Variants in SPATA16 observed in about 807,000 individuals in gnomAD.
SPATA16 encodes the protein spermatogenesis associated 16, also known as spermatogenesis-associated protein 16.
SPATA16 carries 36 observed loss-of-function variants against 63.3 expected under a neutral mutation model. The ratio of observed to expected loss-of-function variants is 0.57; its 90% CI spans 0.44 to 0.75. SPATA16 has a LOEUF of 0.75. Ranked by LOEUF, SPATA16 falls within the 30% of genes least tolerant of loss-of-function variation. The pLI is 0.00. For synonymous variants in SPATA16, 203 were observed against 216.7 expected, an observed-to-expected ratio of 0.94 and a Z score of 0.56; for missense variants, 646 against 679.3, an observed-to-expected ratio of 0.95 and a Z score of 0.54.
chr3:172,962,886 G>A (rs905087174), intron 5 of SPATA16, among the ~76,000 whole-genome samples: 2 of 152,030 alleles, frequency 1.3e-5, no homozygotes, highest in African/African-American at 2.4e-5. Context: ...AATTTTGTGA[G>A]CTACGTTTTT....
chr3:172,924,155 A>G (rs922632226), intron 8 of SPATA16, 53 bp downstream of exon 8: 1 of 1,388,948 alleles, frequency 7.2e-7, no homozygotes, highest in Non-Finnish European at 1.0e-6. Flanking sequence ...ATATACTTCT[A>G]GAATTCTCTA....
chr3:172,916,240 T>TG, intron 9 of SPATA16, 77 bp downstream of exon 9: 2 of 1,551,950 alleles, frequency 1.3e-6, no homozygotes, highest in South Asian at 2.3e-5. Flanking sequence ...GATTTTTTTT[T>TG]TTTTTTTTCC....
chr3:172,997,218 C>T (rs1429990788), intron 4 of SPATA16, among the ~76,000 whole-genome samples: 1 of 152,118 alleles, frequency 6.6e-6, no homozygotes, highest in Non-Finnish European at 1.5e-5. Context: ...AAACTGCCTT[C>T]CAGAGTGGCA....
chr3:173,017,454 A>G (rs916807518), intron 4 of SPATA16, among the ~76,000 whole-genome samples: 1 of 152,152 alleles, frequency 6.6e-6, no homozygotes, highest in Non-Finnish European at 1.5e-5. Context: ...CCCACGAAAA[A>G]TTTATGTCAT....
intron 4 of SPATA16, 54 bp from the exon 5 acceptor site, chr3:172,977,106 G>T (rs1248333245): frequency 1.4e-6 from 2 of 1,443,284 alleles, no homozygotes; most frequent in Admixed American, 1.7e-5. Flanking sequence ...TAGGACAGAA[G>T]GAAAACCATA....
intron 2 of SPATA16, among the ~76,000 whole-genome samples, chr3:173,082,380 C>T (rs1674331904): frequency 6.6e-6 from 1 of 152,194 alleles, no homozygotes; most frequent in Admixed American, 6.5e-5. Flanking sequence ...GAAGAAATGG[C>T]TTCCAGCTGC....
chr3:172,938,706 T>C (rs995809213), intron 6 of SPATA16, among the ~76,000 whole-genome samples: 1 of 152,026 alleles, frequency 6.6e-6, no homozygotes, highest in African/African-American at 2.4e-5. Context: ...TAAGCAAAAA[T>C]ATAGTAATAG....
At chr3:173,077,281 T>A (rs1488153487) in intron 2 of SPATA16, among the ~76,000 whole-genome samples, 1 of 152,158 alleles carries the variant, frequency 6.6e-6, no homozygotes, top group African/African-American at 2.4e-5. Flanking sequence ...TAAGTTAGAC[T>A]TTCTTCTTCA....
At chr3:172,953,310 G>GGTCCTGGCATT in intron 6 of SPATA16, among the ~76,000 whole-genome samples, 1 of 152,076 alleles carries the variant, frequency 6.6e-6, no homozygotes, top group South Asian at 2.1e-4. Context: ...TTGTCCTAAG[G>GGTCCTGGCATT]GTCCTGGCTT....
At chr3:172,958,753 C>T (rs1224186249) in intron 5 of SPATA16, among the ~76,000 whole-genome samples, 3 of 152,152 alleles carry the variant, frequency 2.0e-5, no homozygotes. Context: ...TTCCCCATGT[C>T]TTCACATGGT....
At chr3:172,890,161 T>A (rs1371969440) in intron 10 of SPATA16, among the ~76,000 whole-genome samples, 1 of 152,178 alleles carries the variant, frequency 6.6e-6, no homozygotes, top group Non-Finnish European at 1.5e-5. Flanking sequence ...AATGAGTATT[T>A]GTATAGTCTT....
At chr3:173,130,387 A>AAAAAAAT (rs1738345918) in intron 1 of SPATA16, among the ~76,000 whole-genome samples, 1 of 150,726 alleles carries the variant, frequency 6.6e-6, no homozygotes, top group Non-Finnish European at 1.5e-5. Flanking sequence ...AAAAAAAGAA[A>AAAAAAAT]TTCTATAATC....
intron 4 of SPATA16, among the ~76,000 whole-genome samples, chr3:172,981,979 T>C (rs961998215): frequency 5.3e-5 from 8 of 152,216 alleles, no homozygotes; most frequent in Non-Finnish European, 1.2e-4. Flanking sequence ...ACTCACTATC[T>C]GGCTCTACTG....
At chr3:172,946,389 G>C (rs1733289091) in intron 6 of SPATA16, among the ~76,000 whole-genome samples, 1 of 152,188 alleles carries the variant, frequency 6.6e-6, no homozygotes, top group South Asian at 2.1e-4. Flanking sequence ...GCAGGCTCCT[G>C]TGGTCCCCAG....
At chr3:172,993,770 T>A in intron 4 of SPATA16, among the ~76,000 whole-genome samples, 1 of 152,096 alleles carries the variant, frequency 6.6e-6, no homozygotes, top group East Asian at 1.9e-4. Flanking sequence ...TCTTTCCCCC[T>A]CCCCCGCTTA....
chr3:173,045,692 T>C lies in SPATA16; in HGVS notation c.758+3257A>G, dbSNP rs1335756530. Among the ~76,000 whole-genome samples, 5 of 152,096 alleles carry C rather than the reference T, an allele frequency of 3.3e-5. No homozygotes were observed. In the East Asian group the frequency reaches 9.6e-4, roughly 29 times the overall value. ...TGCTGGCTCTGCAACATAACTTATG[T>C]TGATTTCCTTCACAGCATTTATCAT... is the stretch of plus-strand genomic sequence containing the variant. On this transcript the variant is annotated intron_variant, in intron 3 of 10. Coordinates refer to ENST00000351008, the MANE Select transcript of SPATA16 (RefSeq NM_031955.6).
At chr3:172,945,265 A>G (rs1370471329) in intron 6 of SPATA16, among the ~76,000 whole-genome samples, 1 of 152,170 alleles carries the variant, frequency 6.6e-6, no homozygotes, top group East Asian at 1.9e-4. Context: ...TCTGAAGACA[A>G]CTAATATTCC....
rs556074871 is a variant in SPATA16, at chr3:173,105,046, G to C, written c.612+12074C>G. ...GTGCCCTGCAAGACCAGTTTTCCCT[G>C]GATTACAAACAATAAAGTCAGCTTT... is the stretch of plus-strand genomic sequence containing the variant. On this transcript the variant is annotated intron_variant, in intron 2 of 10. Transcript: ENST00000351008. Among the ~76,000 whole-genome samples, 579 of 152,194 alleles carry C rather than the reference G, an allele frequency of 3.8e-3. 3 individuals are homozygous for C. The highest frequency in any genetic ancestry group is 6.8e-3 in the Admixed American group (104 of 15,288).
chr3:173,062,828 A>G (rs1029604534), intron 2 of SPATA16, among the ~76,000 whole-genome samples: 3 of 152,298 alleles, frequency 2.0e-5, no homozygotes, highest in African/African-American at 7.2e-5. Flanking sequence ...TCCTCAGATT[A>G]TCAGGCATTA....
Sources: allele counts gnomAD v4.1 joint callset (sites outside exome capture counted in the v4.1 genomes callset), GRCh38; gene constraint gnomAD v4.1.1; transcripts MANE v1.5; gene names NCBI Gene and HGNC (gene_info 2026-07-23, HGNC 2026-07-21).